Variants in SLC8A1 observed in about 807,000 individuals in gnomAD.
SLC8A1 encodes the protein sodium/calcium exchanger 1.
In SLC8A1, 18 loss-of-function variants were observed where a neutral mutation model predicts 68.3. The observed-to-expected ratio is 0.26, with a 90% CI of 0.18 to 0.39. SLC8A1 has a LOEUF of 0.39. Among genes scored for constraint, SLC8A1 ranks in the 10% least tolerant of loss-of-function variants. SLC8A1 has a pLI of 1.00. For missense variants in SLC8A1, 985 were observed against 1,156.7 expected (o/e 0.85, Z 2.15); for synonymous variants, 475 against 415.5 (o/e 1.14, Z -1.74).
intron 2 of SLC8A1, among the ~76,000 whole-genome samples, chr2:40,288,103 C>T (rs2068637289): frequency 6.6e-6 from 1 of 152,146 alleles, no homozygotes; most frequent in South Asian, 2.1e-4. Flanking sequence ...CTGCTTCAGG[C>T]AAGAGGGTCT....
intron 2 of SLC8A1, among the ~76,000 whole-genome samples, chr2:40,414,698 C>G (rs1200359993): frequency 1.3e-5 from 2 of 151,994 alleles, no homozygotes; most frequent in African/African-American, 4.8e-5. Flanking sequence ...TAACTCTTCT[C>G]TTGTTTAAAA....
intron 2 of SLC8A1, among the ~76,000 whole-genome samples, chr2:40,380,830 G>T (rs1681505510): frequency 6.6e-6 from 1 of 152,000 alleles, no homozygotes; most frequent in Non-Finnish European, 1.5e-5. Flanking sequence ...CTAAAATGAG[G>T]GTTACCAGGT....
intron 2 of SLC8A1, among the ~76,000 whole-genome samples, chr2:40,238,200 C>G (rs1208676282): frequency 3.3e-5 from 5 of 151,894 alleles, no homozygotes; most frequent in South Asian, 2.1e-4. Context: ...GCCCCTCCCC[C>G]AGCCTCGCTG....
intron 2 of SLC8A1, among the ~76,000 whole-genome samples, chr2:40,305,720 G>A (rs899241871): frequency 1.3e-5 from 2 of 152,144 alleles, no homozygotes; most frequent in African/African-American, 2.4e-5. Context: ...CTACTTCACT[G>A]ACATAATTCA....
chr2:40,287,619 T>TGTGTGTGTGTGTGTGTGTGTGTGTGC (rs1218621116), intron 2 of SLC8A1, among the ~76,000 whole-genome samples: 7 of 148,498 alleles, frequency 4.7e-5, no homozygotes, highest in African/African-American at 1.5e-4. Context: ...TGTGTGTGTG[T>TGTGTGTGTGTGTGTGTGTGTGTGTGC]GCATGCAGGG....
chr2:40,107,279 C>CAACAAAAAAAAA, exon 8 of SLC8A1: 1 of 64,962 alleles, frequency 1.5e-5, no homozygotes, highest in Non-Finnish European at 2.9e-5. Flanking sequence ...GACTCCGTCT[C>CAACAAAAAAAAA]AAAAAAAAAA....
At chr2:40,118,360 T>A (rs140664067) in intron 7 of SLC8A1, 9 of 152,308 alleles carry the variant, frequency 5.9e-5, no homozygotes, top group African/African-American at 7.2e-5. Flanking sequence ...TTGAAGCAGG[T>A]TCTTACCAAA....
chr2:40,209,899 A>G (rs1458270718), intron 2 of SLC8A1: 4 of 152,278 alleles, frequency 2.6e-5, no homozygotes, highest in Non-Finnish European at 5.9e-5. Flanking sequence ...GAAATGGACT[A>G]GGGAAATACA....
In SLC8A1 at chr2:40,189,159, A is replaced by C. The variant is rs182222667; in HGVS notation, c.1809-11304T>G. 3.3e-5 allele frequency among the ~76,000 whole-genome samples: 5 copies of C among 152,262 alleles called. No homozygotes were observed. The East Asian group carries it at 9.6e-4, about 29-fold the overall frequency. The stretch of plus-strand genomic sequence containing the variant: ...GATAACCTGGATAAAACTAAACTTG[A>C]TTCTAAACAGAGTTCTGTCCTTGTC... On this transcript the variant is annotated intron_variant, in intron 2 of 7. Transcript: ENST00000406785.
chr2:40,154,536 C>A (rs414720), intron 6 of SLC8A1, among the ~76,000 whole-genome samples: 3,410 of 142,040 alleles, frequency 0.024, 73 homozygotes, highest in Non-Finnish European at 0.036. Context: ...ACCGTGTTAG[C>A]CAGGATGGTC....
At chr2:40,214,420 TTCTTTGTACACTA>T (rs1167587284) in intron 2 of SLC8A1, among the ~76,000 whole-genome samples, 2 of 151,814 alleles carry the variant, frequency 1.3e-5, no homozygotes, top group African/African-American at 4.8e-5. Context: ...AGCAGATCAT[TTCTTTGTACACTA>T]TCTTTTTTTT....
At chr2:40,281,838 CCT>C (rs2067571092) in intron 2 of SLC8A1, among the ~76,000 whole-genome samples, 1 of 152,120 alleles carries the variant, frequency 6.6e-6, no homozygotes, top group East Asian at 1.9e-4. Context: ...GTAAATGTTC[CCT>C]GATTCTCAGG....
At chr2:40,293,223 AC>A (rs1271173112) in intron 2 of SLC8A1, among the ~76,000 whole-genome samples, 2 of 152,192 alleles carry the variant, frequency 1.3e-5, no homozygotes, top group East Asian at 1.9e-4. Flanking sequence ...CTGCATTTGT[AC>A]TTTTGGTTCA....
rs1421668647 is a variant in SLC8A1, at chr2:40,429,493, T to G, written c.788A>C (p.Tyr263Ser). The change falls in exon 2 of 8, where the codon TAC (tyrosine) becomes TCC (serine). Residue 263 changes from tyrosine to serine, a missense_variant. Transcript: ENST00000406785. ...CTGCTTGCCAGCTCGATACCTCTTG[T>G]AGACATACTTGTAAAACAGAAGTCT... 2.5e-6 allele frequency: 4 copies of G among 1,613,896 alleles called. No individual in the cohort carries two copies. The South Asian group carries it at 4.4e-5, about 18-fold the overall frequency.
intron 2 of SLC8A1, among the ~76,000 whole-genome samples, chr2:40,377,382 G>A (rs773267448): frequency 6.6e-6 from 1 of 152,070 alleles, no homozygotes; most frequent in Non-Finnish European, 1.5e-5. Flanking sequence ...CCCTGAGCAG[G>A]GAGCCCAGTT....
At chr2:40,436,065 T>C (rs1434800922) in intron 1 of SLC8A1, among the ~76,000 whole-genome samples, 1 of 151,994 alleles carries the variant, frequency 6.6e-6, no homozygotes, top group Non-Finnish European at 1.5e-5. Context: ...CCACCACGTC[T>C]GGCCAGCTCT....
rs2047740681 is a variant in SLC8A1, at chr2:40,172,792, A to C, written c.1930+2033T>G. Reference sequence around the variant, plus strand: ...CTTGTCTCTACTAAAAATACAAAAAATTAGCTAGGCGTGGTGGCACGTGCC... The same window carrying C: ...CTTGTCTCTACTAAAAATACAAAAACTTAGCTAGGCGTGGTGGCACGTGCC... On this transcript the variant is annotated intron_variant, in intron 4 of 7. Transcript: ENST00000406785. Among the ~76,000 whole-genome samples, 5 of 152,020 alleles carry C rather than the reference A, an allele frequency of 3.3e-5. No homozygotes were observed. The South Asian group carries it at 1.0e-3, about 32-fold the overall frequency.
At chr2:40,309,858 A>C (rs1237312394) in intron 2 of SLC8A1, among the ~76,000 whole-genome samples, 1 of 152,118 alleles carries the variant, frequency 6.6e-6, no homozygotes, top group Non-Finnish European at 1.5e-5. Flanking sequence ...ACATGTTTAA[A>C]GTGTATAATT....
intron 1 of SLC8A1, among the ~76,000 whole-genome samples, chr2:40,507,944 T>A (rs1041260104): frequency 6.6e-6 from 1 of 152,110 alleles, no homozygotes; most frequent in Admixed American, 6.6e-5. Flanking sequence ...TAGTTTTTAT[T>A]TCATAGAATG....
Sources: gnomAD v4.1 joint callset for allele counts (sites outside exome capture counted in the v4.1 genomes callset) on GRCh38, gnomAD v4.1.1 for gene constraint, MANE v1.5 for transcripts, NCBI Gene and HGNC (gene_info 2026-07-23, HGNC 2026-07-21) for gene names.